The following RAB38 variants were observed in gnomAD, a reference collection of about 807,000 sequenced individuals.
RAB38 encodes the protein ras-related protein Rab-38.
A neutral mutation model predicts 18.4 loss-of-function variants in RAB38; 15 were observed. The observed-to-expected ratio is 0.82, with a 90% CI of 0.55 to 1.26. RAB38 has a LOEUF of 1.26. Among genes scored for constraint, RAB38 ranks in the 50% most tolerant of loss-of-function variants. RAB38 has a pLI of 0.00. For synonymous variants in RAB38, 101 were observed against 104.4 expected (o/e 0.97, Z 0.20); for missense variants, 294 against 267.4 (o/e 1.10, Z -0.69).
the RAB38 span, among the ~76,000 whole-genome samples, chr11:88,004,491 A>C: frequency 4.6e-5 from 7 of 151,322 alleles, no homozygotes; most frequent in African/African-American, 1.7e-4. Context: ...CATAAAGGAC[A>C]ACTATGAAAA....
chr11:87,839,214 T>C, the RAB38 span, among the ~76,000 whole-genome samples: 3 of 152,200 alleles, frequency 2.0e-5, no homozygotes, highest in Non-Finnish European at 4.4e-5. Context: ...GTTAATAGAT[T>C]TTAGTCTTGT....
intron 2 of RAB38, among the ~76,000 whole-genome samples, chr11:88,142,156 A>G (rs1320430563): frequency 1.3e-5 from 2 of 152,226 alleles, no homozygotes; most frequent in Non-Finnish European, 2.9e-5. Context: ...TCTGAGAAAG[A>G]CTGCTGAGAA....
chr11:87,956,290 T>G, the RAB38 span, among the ~76,000 whole-genome samples: 1 of 152,180 alleles, frequency 6.6e-6, no homozygotes, highest in Non-Finnish European at 1.5e-5. Context: ...AAATAAATTG[T>G]AGCTATTGTT....
At chr11:88,092,420 G>C in the RAB38 span, among the ~76,000 whole-genome samples, 2 of 135,552 alleles carry the variant, frequency 1.5e-5, no homozygotes, top group African/African-American at 5.2e-5. Flanking sequence ...GAGAGAGAGA[G>C]AGAGAGAGAG....
At chr11:87,879,707 T>C in the RAB38 span, 1 of 151,746 alleles carries the variant, frequency 6.6e-6, no homozygotes, top group Non-Finnish European at 1.5e-5. Flanking sequence ...GTTCTTGTTT[T>C]AGTAACTTTC....
chr11:88,105,395 A>G, the RAB38 span, among the ~76,000 whole-genome samples: 2 of 152,158 alleles, frequency 1.3e-5, no homozygotes, highest in Non-Finnish European at 2.9e-5. Flanking sequence ...ATCTATGGCT[A>G]TATTAGTCAG....
chr11:87,864,497 C>G, the RAB38 span, among the ~76,000 whole-genome samples: 2 of 151,498 alleles, frequency 1.3e-5, no homozygotes, highest in Non-Finnish European at 3.0e-5. Flanking sequence ...TGTCAGAAAG[C>G]CTCAAACATA....
At chr11:87,961,769 A>G in the RAB38 span, among the ~76,000 whole-genome samples, 1 of 152,150 alleles carries the variant, frequency 6.6e-6, no homozygotes, top group African/African-American at 2.4e-5. Flanking sequence ...ACCAAATACT[A>G]CACTCTTGGG....
chr11:87,928,562 C>T, the RAB38 span, among the ~76,000 whole-genome samples: 1 of 150,872 alleles, frequency 6.6e-6, no homozygotes, highest in Non-Finnish European at 1.5e-5. Flanking sequence ...TTTAAGTGAA[C>T]AAAAGTAGAT....
chr11:88,110,989 AAG>A (rs1258657828), downstream of RAB38, among the ~76,000 whole-genome samples: 4 of 152,128 alleles, frequency 2.6e-5, 1 homozygote, highest in Admixed American at 1.3e-4. Flanking sequence ...AAAAATGAAA[AAG>A]AAAAAAAGAC....
At chr11:87,947,397 A>C in the RAB38 span, among the ~76,000 whole-genome samples, 4 of 152,028 alleles carry the variant, frequency 2.6e-5, no homozygotes, top group East Asian at 7.7e-4. Context: ...GTTTAATTAG[A>C]TCCCATTTGT....
At chr11:87,976,608 T>TATTTTACGTAATATATATA in the RAB38 span, among the ~76,000 whole-genome samples, 1 of 103,138 alleles carries the variant, frequency 9.7e-6, no homozygotes, top group Non-Finnish European at 1.8e-5. Flanking sequence ...TATAAATACA[T>TATTTTACGTAATATATATA]ATTTTACATG....
At chr11:87,838,322 G>A in the RAB38 span, among the ~76,000 whole-genome samples, 3 of 152,068 alleles carry the variant, frequency 2.0e-5, no homozygotes, top group Admixed American at 6.5e-5. Flanking sequence ...CACCGTGTTA[G>A]CCAGGATGGT....
the RAB38 span, among the ~76,000 whole-genome samples, chr11:88,014,847 A>C: frequency 3.0e-4 from 46 of 152,252 alleles, no homozygotes; most frequent in African/African-American, 1.1e-3. Context: ...CACTACTGGA[A>C]ATGTTATTAG....
chr11:88,008,627 CAGAG>C, the RAB38 span, among the ~76,000 whole-genome samples: 1 of 152,184 alleles, frequency 6.6e-6, no homozygotes, highest in Non-Finnish European at 1.5e-5. Flanking sequence ...AGAAAGAAAA[CAGAG>C]AGATTATTGG....
At chr11:88,076,136 T>C in the RAB38 span, among the ~76,000 whole-genome samples, 3 of 151,512 alleles carry the variant, frequency 2.0e-5, no homozygotes, top group African/African-American at 7.3e-5. Flanking sequence ...AGAAAAGAGA[T>C]AGAAGAATCT....
At chr11:87,891,088 C>A in the RAB38 span, among the ~76,000 whole-genome samples, 1 of 151,728 alleles carries the variant, frequency 6.6e-6, no homozygotes, top group Non-Finnish European at 1.5e-5. Flanking sequence ...TGAGAAAGAG[C>A]AAAACCCCTC....
the RAB38 span, among the ~76,000 whole-genome samples, chr11:87,895,743 A>C: frequency 6.6e-6 from 1 of 151,514 alleles, no homozygotes; most frequent in East Asian, 2.0e-4. Context: ...AAATTTGAAA[A>C]CCCACTTTGT....
At chr11:88,030,350 C>T in the RAB38 span, among the ~76,000 whole-genome samples, 1 of 152,112 alleles carries the variant, frequency 6.6e-6, no homozygotes, top group Non-Finnish European at 1.5e-5. Flanking sequence ...CATTCAAAAA[C>T]TAGCAGAAGG....
Sources: allele counts gnomAD v4.1 joint callset (sites outside exome capture counted in the v4.1 genomes callset), GRCh38; gene constraint gnomAD v4.1.1; transcripts MANE v1.5; gene names NCBI Gene and HGNC (gene_info 2026-07-23, HGNC 2026-07-21).